MLLT10: variants seen among roughly 807,000 people sequenced by gnomAD.
The protein encoded by MLLT10 is protein AF-10.
MLLT10 carries 30 observed loss-of-function variants against 129.1 expected under a neutral mutation model. The observed-to-expected ratio is 0.23, with a 90% CI of 0.17 to 0.32. The LOEUF is 0.32. Among genes scored for constraint, MLLT10 ranks in the 10% least tolerant of loss-of-function variants. The probability of loss-of-function intolerance (pLI) is 1.00; values close to 1 mark genes in which losing one functional copy is unlikely to be tolerated. For missense variants in MLLT10, 1,119 were observed against 1,268.3 expected (o/e 0.88, Z 1.79); for synonymous variants, 490 against 446.4 (o/e 1.10, Z -1.23).
chr10:21,647,578 C>A (rs1271486184), intron 8 of MLLT10, among the ~76,000 whole-genome samples: 1 of 151,940 alleles, frequency 6.6e-6, no homozygotes, highest in African/African-American at 2.4e-5. Flanking sequence ...GTTATTAGAT[C>A]TTGTCATTAA....
At chr10:21,550,879 C>T (rs2036883281) in intron 3 of MLLT10, among the ~76,000 whole-genome samples, 1 of 93,388 alleles carries the variant, frequency 1.1e-5, no homozygotes, top group Admixed American at 9.9e-5. Context: ...TGGAGAGTTA[C>T]CTTTATTCAC....
At chr10:21,547,669 G>C (rs1165955737) in intron 3 of MLLT10, among the ~76,000 whole-genome samples, 1 of 151,726 alleles carries the variant, frequency 6.6e-6, no homozygotes, top group Non-Finnish European at 1.5e-5. Context: ...CTCTTGAGTA[G>C]CTGGGACTAC....
chr10:21,686,026 A>G (rs1457552673), intron 13 of MLLT10, among the ~76,000 whole-genome samples: 1 of 152,232 alleles, frequency 6.6e-6, no homozygotes, highest in African/African-American at 2.4e-5. Context: ...AGGATATGCT[A>G]GTTTTCAACT....
intron 5 of MLLT10, among the ~76,000 whole-genome samples, chr10:21,609,886 C>T (rs2044426644): frequency 6.6e-6 from 1 of 152,070 alleles, no homozygotes; most frequent in Non-Finnish European, 1.5e-5. Context: ...CTCTCTCACA[C>T]ACACACACAC....
Position 21,558,454 on chromosome 10 carries a change from C to CT in MLLT10, c.240+19543dup, listed in dbSNP as rs1262474730. On this transcript the variant is annotated intron_variant, in intron 3 of 22. Coordinates refer to ENST00000307729, the MANE Select transcript of MLLT10 (RefSeq NM_001195626.3). ...CTGGGTGACAGAGGAGACCCTATCT[C>CT]TAAGAAAAAAGAAAAAAATCAAAAT... Among the ~76,000 whole-genome samples the CT allele has an allele frequency of 3.3e-5, 5 of 151,788 alleles. No homozygotes were observed. The East Asian group carries it at 9.7e-4, about 29-fold the overall frequency.
chr10:21,561,907 G>A (rs1349650641), intron 3 of MLLT10, among the ~76,000 whole-genome samples: 1 of 151,928 alleles, frequency 6.6e-6, no homozygotes, highest in African/African-American at 2.4e-5. Flanking sequence ...CTGGGTTCAA[G>A]CAATTCTCCT....
chr10:21,644,608 T>C (rs1258916879), intron 8 of MLLT10, among the ~76,000 whole-genome samples: 4 of 152,176 alleles, frequency 2.6e-5, no homozygotes, highest in Non-Finnish European at 5.9e-5. Flanking sequence ...TTTAGTCTTA[T>C]GGGGAATACC....
Position 21,670,622 on chromosome 10 carries a change from C to T in MLLT10, c.969C>T (p.His323=), listed in dbSNP as rs2051298609. ...SEGKGKKSSA[H]SSGQRGRKPG... ...GCAAAGGGAAGAAATCTTCAGCTCA[C>T]AGCTCAGGTCAAAGGGGAAGAAAGC... The change falls in exon 10 of 23, where the codon CAC becomes CAT. Residue 323 remains histidine (H), a synonymous_variant. Coordinates refer to ENST00000307729, the MANE Select transcript of MLLT10 (RefSeq NM_001195626.3). 1.9e-6 allele frequency: 3 copies of T among 1,614,034 alleles called. No individual in the cohort carries two copies. The highest frequency in any genetic ancestry group is 2.7e-5 in the African/African-American group (2 of 74,934).
At chr10:21,558,926 T>G (rs1011470997) in intron 3 of MLLT10, among the ~76,000 whole-genome samples, 6 of 152,194 alleles carry the variant, frequency 3.9e-5, no homozygotes, top group African/African-American at 7.2e-5. Flanking sequence ...GAATTAGTCC[T>G]TCTATATTGT....
rs755997370 is a variant in MLLT10 at position 21,670,514 on chromosome 10, A to C, written c.861A>C (p.Ala287=). The change falls in exon 10 of 23, where the codon GCA becomes GCC. Residue 287 remains alanine, a synonymous_variant. Coordinates refer to ENST00000307729, the MANE Select transcript of MLLT10 (RefSeq NM_001195626.3). ...GSLKRLEDTT[A]RFTNANFQEV... is the part of the protein sequence containing the mutation. The stretch of plus-strand genomic sequence containing the variant: ...TGAAGCGCTTGGAAGATACTACTGC[A>C]CGATTTACAAATGCAAATTTCCAGG... 4 of 1,614,036 alleles carry C rather than the reference A, an allele frequency of 2.5e-6. No individual in the cohort carries two copies. The South Asian group carries it at 4.4e-5, about 18-fold the overall frequency.
chr10:21,701,141 A>G (rs1185055832), intron 13 of MLLT10, among the ~76,000 whole-genome samples: 1 of 151,894 alleles, frequency 6.6e-6, no homozygotes, highest in Non-Finnish European at 1.5e-5. Context: ...GCTGTCTTTC[A>G]TATTTCTGTG....
intron 13 of MLLT10, among the ~76,000 whole-genome samples, chr10:21,706,011 C>T (rs555119927): frequency 1.3e-5 from 2 of 152,298 alleles, no homozygotes; most frequent in African/African-American, 4.8e-5. Flanking sequence ...TCTCTTGGCT[C>T]CTGGCCAAGC....
At position 21,534,305 on chromosome 10, in the gene MLLT10, A is replaced by AGC. The variant is rs2033357326; in HGVS notation, c.-215_-214dup. ...CCCTCGCTGCCCCTGGCCCAGCGGG[A>AGC]GCCCCCCCTCCCCCCAGTGCGCCTG... On this transcript the variant is annotated 5_prime_UTR_variant, in exon 1 of 23. Coordinates refer to ENST00000307729, the MANE Select transcript of MLLT10 (RefSeq NM_001195626.3). 2 of 302,874 alleles carry AGC rather than the reference A, an allele frequency of 6.6e-6. No homozygotes were observed. Among genetic ancestry groups the AGC allele is most frequent in the Non-Finnish European group, 1.2e-5 (2 of 169,226 alleles). The allele number at this position is 302,874 out of a possible 1,614,324, so 18.8% of individuals were successfully genotyped here.
At chr10:21,738,281 C>T in intron 21 of MLLT10, 2 of 705,860 alleles carry the variant, frequency 2.8e-6, no homozygotes. Context: ...AAAAAAAAAT[C>T]TTAAATGCTG....
intron 13 of MLLT10, among the ~76,000 whole-genome samples, chr10:21,691,725 T>G (rs760486432): frequency 1.1e-4 from 17 of 152,016 alleles, no homozygotes; most frequent in Non-Finnish European, 2.5e-4. Flanking sequence ...TTTTATATAT[T>G]CAGCTATATT....
intron 13 of MLLT10, among the ~76,000 whole-genome samples, chr10:21,706,809 A>G (rs559314689): frequency 1.3e-5 from 2 of 151,976 alleles, no homozygotes; most frequent in African/African-American, 2.4e-5. Flanking sequence ...TCTGGCGTCT[A>G]CTCATACTGT....
Position 21,743,509 on chromosome 10 carries a change from T to C in MLLT10, c.*1526T>C, listed in dbSNP as rs1417830205. The C allele has an allele frequency of 5.3e-6, 1 of 187,200 alleles. No homozygotes were observed. The highest frequency in any genetic ancestry group is 1.1e-5 in the Non-Finnish European group (1 of 88,572). 11.6% of individuals were successfully genotyped at this position (187,200 alleles called of 1,614,324 possible). ...TACTTATTTAACCCACTGGTTGTTA[T>C]TCTGTAACAGTTTGTATAAATGGTA... is the stretch of plus-strand genomic sequence containing the variant. On this transcript the variant is annotated 3_prime_UTR_variant, in exon 23 of 23. Coordinates refer to ENST00000307729, the MANE Select transcript of MLLT10 (RefSeq NM_001195626.3).
At chr10:21,552,543 C>T (rs1470052287) in intron 3 of MLLT10, among the ~76,000 whole-genome samples, 1 of 151,872 alleles carries the variant, frequency 6.6e-6, no homozygotes, top group African/African-American at 2.4e-5. Flanking sequence ...AGGCGCCTGC[C>T]ACCACGCCTG....
At chr10:21,583,882 T>C (rs541137902) in intron 3 of MLLT10, among the ~76,000 whole-genome samples, 3 of 152,290 alleles carry the variant, frequency 2.0e-5, no homozygotes, top group African/African-American at 4.8e-5. Flanking sequence ...ATTTTTTTTT[T>C]TTTTTGAGAC....
Sources: allele counts gnomAD v4.1 joint callset (sites outside exome capture counted in the v4.1 genomes callset), GRCh38; gene constraint gnomAD v4.1.1; transcripts MANE v1.5; gene names NCBI Gene and HGNC (gene_info 2026-07-23, HGNC 2026-07-21).